The following CUL2 variants were observed in gnomAD, a reference collection of about 807,000 sequenced individuals.
The protein encoded by CUL2 is cullin-2.
A neutral mutation model predicts 110.2 loss-of-function variants in CUL2; 22 were observed. The ratio of observed to expected loss-of-function variants is 0.20; its 90% CI spans 0.14 to 0.28. The LOEUF (loss-of-function observed/expected upper bound fraction) is 0.28. Ranked by LOEUF, CUL2 falls within the 10% of genes least tolerant of loss-of-function variation. The pLI is 1.00. For synonymous variants in CUL2, 279 were observed against 293.2 expected (o/e 0.95, Z 0.49); for missense variants, 631 against 905.5 (o/e 0.70, Z 3.89).
rs755653884 is a variant in CUL2 at position 35,028,842 on chromosome 10, T to C, written c.1585A>G (p.Ile529Val). Residue 529 changes from isoleucine (I) to valine (V), a missense_variant, in exon 16 of 21, where the codon ATT becomes GTT. Coordinates refer to ENST00000374749, the MANE Select transcript of CUL2 (RefSeq NM_003591.4). ...LTQAPSSTFA[I>V]PQELEKSVQM... ...ACACTTTTTTCTAATTCCTGGGGAA[T>C]TGCAAACGTAGATGAAGGAGCCTGA... 1.2e-6 allele frequency: 2 copies of C among 1,612,314 alleles called. No homozygotes were observed. Among genetic ancestry groups the C allele is most frequent in the Non-Finnish European group, 1.7e-6 (2 of 1,178,882 alleles).
intron 1 of CUL2, among the ~76,000 whole-genome samples, chr10:35,114,682 G>A (rs1463170067): frequency 9.2e-5 from 14 of 151,876 alleles, no homozygotes; most frequent in South Asian, 6.3e-4. Flanking sequence ...CGCCTGGCCC[G>A]CAGACAAGTT....
intron 1 of CUL2, among the ~76,000 whole-genome samples, chr10:35,087,368 C>G (rs2087090019): frequency 6.6e-6 from 1 of 152,222 alleles, no homozygotes; most frequent in South Asian, 2.1e-4. Context: ...CCATTTTCCT[C>G]TCTTCACTAG....
chr10:35,060,731 C>A, intron 4 of CUL2, 143 bp downstream of exon 4: 1 of 656,058 alleles, frequency 1.5e-6, no homozygotes, highest in Non-Finnish European at 2.6e-6. Flanking sequence ...GACCTTTCCC[C>A]ACAGCAGAGA....
intron 1 of CUL2, among the ~76,000 whole-genome samples, chr10:35,086,876 G>A (rs761341659): frequency 6.6e-6 from 1 of 152,088 alleles, no homozygotes; most frequent in Non-Finnish European, 1.5e-5. Flanking sequence ...AAATACAAAT[G>A]TCAAAGTAAA....
At chr10:35,082,793 G>T (rs867546629) in intron 1 of CUL2, among the ~76,000 whole-genome samples, 4 of 152,158 alleles carry the variant, frequency 2.6e-5, no homozygotes, top group Non-Finnish European at 4.4e-5. Context: ...GAAGGCTCAG[G>T]ACTACTTGGG....
chr10:35,094,210 G>A (rs2087258648), upstream of CUL2, among the ~76,000 whole-genome samples: 1 of 151,344 alleles, frequency 6.6e-6, no homozygotes, highest in African/African-American at 2.4e-5. Context: ...TAACCCACAT[G>A]AACATAAGCT....
At chr10:35,112,530 AC>A (rs2087535633) in intron 1 of CUL2, among the ~76,000 whole-genome samples, 2 of 152,198 alleles carry the variant, frequency 1.3e-5, no homozygotes, top group African/African-American at 4.8e-5. Flanking sequence ...TTCAGGACAG[AC>A]TGCAAGAGAA....
intron 4 of CUL2, among the ~76,000 whole-genome samples, chr10:35,057,481 T>A (rs934248589): frequency 1.3e-5 from 2 of 151,080 alleles, no homozygotes; most frequent in Non-Finnish European, 3.0e-5. Context: ...TGAAACCCCG[T>A]CTCTACTAAA....
rs1186349544 is a variant in CUL2, at chr10:35,062,995, T to C, written c.187A>G (p.Ile63Val). ...LGERLYTETK[I>V]FLENHVRHLH... is the part of the protein sequence containing the mutation. ...TGCCGAACATGATTTTCCAAAAAAATCTTAGTTTCTGTATAAAGTCTTTCT... is the reference window on the plus strand; with the variant it reads ...TGCCGAACATGATTTTCCAAAAAAACCTTAGTTTCTGTATAAAGTCTTTCT... The change falls in exon 3 of 21, where the codon ATT becomes GTT. Residue 63 changes from isoleucine (I) to valine (V), a missense_variant. By Grantham distance (29) the Ile-to-Val change is conservative. Around this residue, in one of 3 missense-constraint regions of CUL2, gnomAD observed 338 missense variants for 442.5 expected, o/e 0.76. Transcript: ENST00000374749. The C allele has an allele frequency of 6.8e-6, 11 of 1,610,638 alleles. No homozygotes were observed. Among genetic ancestry groups the C allele is most frequent in the South Asian group, 2.2e-5 (2 of 90,914 alleles).
At position 35,102,809 on chromosome 10, in the gene CUL2, G is replaced by C. The variant is rs2087401188; in HGVS notation, c.-50-1749C>G. On this transcript the variant is annotated intron_variant, in intron 1 of 5. Coordinates refer to the CUL2 transcript ENST00000685421. ...GAGGCAGGAGAATCGCTTGAACCTG[G>C]GGGGCGGAAGTTGCAATGAGCTGAG... Among the ~76,000 whole-genome samples, 3 of 151,664 alleles carry C rather than the reference G, an allele frequency of 2.0e-5. No individual in the cohort carries two copies. In the South Asian group the frequency reaches 6.3e-4, roughly 32 times the overall value.
chr10:35,095,289 A>G (rs1393380469), upstream of CUL2, among the ~76,000 whole-genome samples: 1 of 150,658 alleles, frequency 6.6e-6, no homozygotes, highest in Non-Finnish European at 1.5e-5. Flanking sequence ...ATGCCACTGC[A>G]CTCCAGCCTG....
chr10:35,060,088 C>G (rs2086343753), intron 4 of CUL2, among the ~76,000 whole-genome samples: 1 of 152,042 alleles, frequency 6.6e-6, no homozygotes, highest in African/African-American at 2.4e-5. Context: ...AGTGAGACAG[C>G]ATCTCTACAA....
chr10:35,052,663 A>G (rs1429450712), intron 5 of CUL2, among the ~76,000 whole-genome samples: 2 of 152,140 alleles, frequency 1.3e-5, no homozygotes, highest in Non-Finnish European at 2.9e-5. Context: ...TGAGAAGCGG[A>G]GGCAGGCGGA....
rs192199783 is a variant in CUL2, at chr10:35,041,739, G to A, written c.715-2657C>T. On this transcript the variant is annotated intron_variant, in intron 8 of 20. Transcript: ENST00000374749. ...TTTTGTAGAGATGGGGTTTTGCCAC[G>A]TTGCCCAGGCTTGTCCTGAACTCCT... 2.6e-5 allele frequency among the ~76,000 whole-genome samples: 4 copies of A among 152,106 alleles called. 1 individual carries two copies. Among genetic ancestry groups the A allele is most frequent in the Non-Finnish European group, 4.4e-5 (3 of 67,992 alleles).
chr10:35,124,677 C>T (rs566096845), intron 1 of CUL2, among the ~76,000 whole-genome samples: 13 of 151,920 alleles, frequency 8.6e-5, no homozygotes, highest in African/African-American at 1.5e-4. Context: ...TCAAGAGGCA[C>T]GATACTAACA....
intron 4 of CUL2, among the ~76,000 whole-genome samples, chr10:35,054,771 T>C (rs1319648895): frequency 1.3e-5 from 2 of 152,190 alleles, no homozygotes; most frequent in Non-Finnish European, 2.9e-5. Flanking sequence ...ACAGCTCTTA[T>C]CCAAGTTTCA....
At chr10:35,068,968 A>C (rs2086610917) in intron 2 of CUL2, among the ~76,000 whole-genome samples, 1 of 152,136 alleles carries the variant, frequency 6.6e-6, no homozygotes, top group Non-Finnish European at 1.5e-5. Context: ...CCCAGGGTTT[A>C]AGCAATTCTC....
At position 35,113,947 on chromosome 10, in the gene CUL2, G is replaced by A. The variant is rs905809075; in HGVS notation, c.-51+12658C>T. 6.0e-5 allele frequency among the ~76,000 whole-genome samples: 9 copies of A among 150,920 alleles called. No individual in the cohort carries two copies. In the South Asian group the frequency reaches 8.4e-4, roughly 14 times the overall value. ...TTTTGAGACAGAGTCTCACTCTGTC[G>A]CTCAGGCTGGAGTGCAGTGGCATGA... is the stretch of plus-strand genomic sequence containing the variant. On this transcript the variant is annotated intron_variant, in intron 1 of 5. Transcript: ENST00000685421.
chr10:35,094,648 G>A (rs1316913309), upstream of CUL2, among the ~76,000 whole-genome samples: 3 of 152,126 alleles, frequency 2.0e-5, no homozygotes, highest in Non-Finnish European at 2.9e-5. Context: ...AAATGTGATC[G>A]AGCGTGAAGG....
Sources: allele counts gnomAD v4.1 joint callset (sites outside exome capture counted in the v4.1 genomes callset), GRCh38; gene constraint gnomAD v4.1.1; regional missense constraint gnomAD v4.1.1; transcripts MANE v1.5; gene names NCBI Gene and HGNC (gene_info 2026-07-23, HGNC 2026-07-21).